The following TAFA1 variants were observed in gnomAD, a reference collection of about 807,000 sequenced individuals.
TAFA1 encodes the protein chemokine-like protein TAFA-1.
A neutral mutation model predicts 18.5 loss-of-function variants in TAFA1; 4 were observed. That is an observed-to-expected ratio of 0.22 (90% CI 0.11 to 0.49). TAFA1 has a LOEUF of 0.49. Ranked by LOEUF, TAFA1 falls within the 20% of genes least tolerant of loss-of-function variation. The pLI is 0.98. For missense variants in TAFA1, 147 were observed against 169.0 expected (o/e 0.87, Z 0.72); for synonymous variants, 56 against 55.2 (o/e 1.01, Z -0.06).
chr3:68,293,382 TAAAG>T (rs1334453900), intron 2 of TAFA1, among the ~76,000 whole-genome samples: 1 of 152,026 alleles, frequency 6.6e-6, no homozygotes, highest in African/African-American at 2.4e-5. Flanking sequence ...TCCCAGAACT[TAAAG>T]TAAAATAAAA....
intron 2 of TAFA1, among the ~76,000 whole-genome samples, chr3:68,330,433 G>A (rs1028641233): frequency 3.3e-5 from 5 of 152,110 alleles, no homozygotes; most frequent in African/African-American, 1.2e-4. Context: ...TCACACAGGG[G>A]GATCTGGAGA....
At chr3:68,322,807 G>T (rs1038224383) in intron 2 of TAFA1, among the ~76,000 whole-genome samples, 1 of 152,112 alleles carries the variant, frequency 6.6e-6, no homozygotes, top group Admixed American at 6.5e-5. Flanking sequence ...GCTGGGCATG[G>T]TGGTGCATGC....
At chr3:68,019,445 T>G (rs936212877) in intron 2 of TAFA1, among the ~76,000 whole-genome samples, 7 of 148,260 alleles carry the variant, frequency 4.7e-5, no homozygotes, top group Non-Finnish European at 7.5e-5. Context: ...TAGTGTAGAT[T>G]TTTTGGTTTA....
intron 2 of TAFA1, among the ~76,000 whole-genome samples, chr3:68,093,364 G>C (rs1046226180): frequency 2.6e-5 from 4 of 152,096 alleles, no homozygotes; most frequent in Non-Finnish European, 5.9e-5. Flanking sequence ...TCTGAGCCAT[G>C]ATGATGTTAA....
At chr3:68,370,286 CAAAA>C (rs71618234) in intron 2 of TAFA1, among the ~76,000 whole-genome samples, 13 of 10,838 alleles carry the variant, frequency 1.2e-3, no homozygotes, top group African/African-American at 3.6e-3. Context: ...GACCCCATCT[CAAAA>C]AAAAAAAAAA....
chr3:68,173,413 C>G (rs1447830312), intron 2 of TAFA1, among the ~76,000 whole-genome samples: 1 of 152,074 alleles, frequency 6.6e-6, no homozygotes, highest in Non-Finnish European at 1.5e-5. Flanking sequence ...AGCTGCCACT[C>G]AAGTATTTGC....
chr3:68,023,095 T>C (rs1378894896), intron 2 of TAFA1, among the ~76,000 whole-genome samples: 1 of 151,648 alleles, frequency 6.6e-6, no homozygotes, highest in Non-Finnish European at 1.5e-5. Flanking sequence ...TGATTCCAGA[T>C]CCTATGCTGT....
intron 2 of TAFA1, among the ~76,000 whole-genome samples, chr3:68,321,947 A>G (rs906191186): frequency 2.6e-5 from 4 of 152,222 alleles, no homozygotes; most frequent in Non-Finnish European, 5.9e-5. Context: ...CCTTAAAAGA[A>G]GTTCCCATGC....
At chr3:68,158,817 A>G (rs1404817263) in intron 2 of TAFA1, among the ~76,000 whole-genome samples, 2 of 152,200 alleles carry the variant, frequency 1.3e-5, no homozygotes, top group South Asian at 2.1e-4. Flanking sequence ...ACAGCATCAT[A>G]TATGTATTTT....
At chr3:68,213,965 C>T (rs2066625576) in intron 2 of TAFA1, among the ~76,000 whole-genome samples, 1 of 152,022 alleles carries the variant, frequency 6.6e-6, no homozygotes, top group Non-Finnish European at 1.5e-5. Flanking sequence ...AGACTATATA[C>T]AGAAGAGTTA....
intron 2 of TAFA1, among the ~76,000 whole-genome samples, chr3:68,122,212 G>C (rs1171835896): frequency 6.6e-6 from 1 of 151,774 alleles, no homozygotes; most frequent in Non-Finnish European, 1.5e-5. Context: ...TTTTAATTCT[G>C]AGGCTTTCTA....
chr3:68,379,928 C>G lies in TAFA1; in HGVS notation c.119-37352C>G, dbSNP rs575244794. On this transcript the variant is annotated intron_variant, in intron 2 of 4. Transcript: ENST00000478136. ...CTATCCCTTCCCCTTCCCCCCACCC[C>G]ACAACAGTCCCCAATGTGTGATGTT... Among the ~76,000 whole-genome samples, 3 of 151,966 alleles carry G rather than the reference C, an allele frequency of 2.0e-5. No homozygotes were observed. The South Asian group carries it at 6.3e-4, about 32-fold the overall frequency.
chr3:68,152,312 C>G (rs916419673), intron 2 of TAFA1, among the ~76,000 whole-genome samples: 10 of 152,068 alleles, frequency 6.6e-5, no homozygotes, highest in Non-Finnish European at 1.5e-4. Flanking sequence ...GCTCAGGAAT[C>G]TGCATTTTTT....
At chr3:68,144,132 C>T (rs2065706706) in intron 2 of TAFA1, among the ~76,000 whole-genome samples, 3 of 152,012 alleles carry the variant, frequency 2.0e-5, no homozygotes, top group South Asian at 2.1e-4. Flanking sequence ...GTACCAGGAC[C>T]GACCATTTGT....
intron 2 of TAFA1, among the ~76,000 whole-genome samples, chr3:68,060,073 A>C (rs1446043678): frequency 6.6e-6 from 1 of 151,804 alleles, no homozygotes; most frequent in South Asian, 2.1e-4. Flanking sequence ...CTGAAGGAAA[A>C]AAAAAACACA....
At chr3:68,225,858 A>C (rs2066792667) in intron 2 of TAFA1, among the ~76,000 whole-genome samples, 1 of 150,732 alleles carries the variant, frequency 6.6e-6, no homozygotes, top group Non-Finnish European at 1.5e-5. Flanking sequence ...CAATAACAAT[A>C]TCTCTATCTC....
chr3:68,235,922 G>T (rs565505107), intron 2 of TAFA1, among the ~76,000 whole-genome samples: 1 of 152,048 alleles, frequency 6.6e-6, no homozygotes, highest in South Asian at 2.1e-4. Flanking sequence ...GAGTATCTAC[G>T]TGGCCAACTC....
chr3:68,294,967 G>A (rs2068182141), intron 2 of TAFA1, among the ~76,000 whole-genome samples: 1 of 152,186 alleles, frequency 6.6e-6, no homozygotes. Flanking sequence ...ATATTAGGCA[G>A]CACCGGTTCA....
At chr3:68,496,819 C>T (rs2072558131) in intron 3 of TAFA1, among the ~76,000 whole-genome samples, 1 of 152,110 alleles carries the variant, frequency 6.6e-6, no homozygotes, top group Admixed American at 6.6e-5. Flanking sequence ...ATACCATTAC[C>T]TATATCATGG....
Sources: allele counts gnomAD v4.1 joint callset (sites outside exome capture counted in the v4.1 genomes callset), GRCh38; gene constraint gnomAD v4.1.1; transcripts MANE v1.5; gene names NCBI Gene and HGNC (gene_info 2026-07-23, HGNC 2026-07-21).